The following PHACTR4 variants were observed in gnomAD, a reference collection of about 807,000 sequenced individuals.
PHACTR4 encodes the protein phosphatase and actin regulator 4.
A neutral mutation model predicts 72.7 loss-of-function variants in PHACTR4; 51 were observed. The ratio of observed to expected loss-of-function variants is 0.70; its 90% CI spans 0.56 to 0.89. The LOEUF is 0.89. Ranked by LOEUF, PHACTR4 falls within the 40% of genes least tolerant of loss-of-function variation. PHACTR4 has a pLI of 0.00. For synonymous variants in PHACTR4, 255 were observed against 302.5 expected (o/e 0.84, Z 1.63); for missense variants, 731 against 861.8 (o/e 0.85, Z 1.90).
At chr1:28,380,670 G>T (rs1392813347) in intron 1 of PHACTR4, among the ~76,000 whole-genome samples, 3 of 152,148 alleles carry the variant, frequency 2.0e-5, no homozygotes, top group Non-Finnish European at 4.4e-5. Context: ...CAAAGGACAT[G>T]ATCTTGTTGT....
At chr1:28,458,802 T>C (rs1364011813) in intron 2 of PHACTR4, among the ~76,000 whole-genome samples, 1 of 152,196 alleles carries the variant, frequency 6.6e-6, no homozygotes, top group Non-Finnish European at 1.5e-5. Flanking sequence ...TTTGTATACA[T>C]GCGCCTTTAA....
chr1:28,431,040 G>A (rs1395917922), intron 2 of PHACTR4, among the ~76,000 whole-genome samples: 2 of 151,324 alleles, frequency 1.3e-5, no homozygotes, highest in South Asian at 2.1e-4. Context: ...TTAGCCAGGC[G>A]TGGTGGCAGG....
intron 1 of PHACTR4, among the ~76,000 whole-genome samples, chr1:28,372,551 C>G (rs762210115): frequency 3.3e-5 from 5 of 152,028 alleles, no homozygotes; most frequent in Non-Finnish European, 2.9e-5. Flanking sequence ...CAGAATTGCT[C>G]TAGTTTTAAT....
intron 1 of PHACTR4, among the ~76,000 whole-genome samples, chr1:28,397,309 G>A (rs1653586429): frequency 6.6e-6 from 1 of 152,102 alleles, no homozygotes; most frequent in South Asian, 2.1e-4. Context: ...AATCCCCAAA[G>A]ACAAGAAGGT....
At chr1:28,408,269 C>T (rs150714513) in intron 2 of PHACTR4, among the ~76,000 whole-genome samples, 239 of 151,838 alleles carry the variant, frequency 1.6e-3, no homozygotes, top group African/African-American at 5.4e-3. Context: ...TGGAAGATAA[C>T]ATGAAAGTGA....
intron 6 of PHACTR4, among the ~76,000 whole-genome samples, chr1:28,468,928 G>A (rs1006146790): frequency 4.6e-5 from 7 of 152,156 alleles, no homozygotes; most frequent in African/African-American, 1.7e-4. Context: ...GATAATTTGT[G>A]TATGATACCC....
At chr1:28,414,887 T>G (rs1655010682) in intron 2 of PHACTR4, among the ~76,000 whole-genome samples, 1 of 152,156 alleles carries the variant, frequency 6.6e-6, no homozygotes, top group African/African-American at 2.4e-5. Flanking sequence ...TCACCTCCCT[T>G]TCATCTCATT....
At chr1:28,456,179 G>T (rs970343682) in intron 2 of PHACTR4, among the ~76,000 whole-genome samples, 1 of 152,094 alleles carries the variant, frequency 6.6e-6, no homozygotes, top group Admixed American at 6.6e-5. Context: ...GCTTGCAACT[G>T]CCCTGCTTCT....
At chr1:28,490,435 G>A (rs969246757) in intron 10 of PHACTR4, among the ~76,000 whole-genome samples, 11 of 151,966 alleles carry the variant, frequency 7.2e-5, no homozygotes, top group African/African-American at 2.7e-4. Context: ...GGGAGGCTGA[G>A]GCAGGAGAAT....
chr1:28,421,126 A>G (rs74064733), intron 2 of PHACTR4, among the ~76,000 whole-genome samples: 15,834 of 152,136 alleles, frequency 0.1, 1,905 homozygotes, highest in African/African-American at 0.3. Context: ...TCACTGGCTG[A>G]CTTCTGCATG....
intron 10 of PHACTR4, among the ~76,000 whole-genome samples, chr1:28,490,433 G>A (rs1021628928): frequency 6.6e-5 from 10 of 151,860 alleles, no homozygotes; most frequent in African/African-American, 2.4e-4. Context: ...TCGGGAGGCT[G>A]AGGCAGGAGA....
chr1:28,437,519 C>T (rs924741639), intron 2 of PHACTR4, among the ~76,000 whole-genome samples: 1 of 152,178 alleles, frequency 6.6e-6, no homozygotes, highest in Non-Finnish European at 1.5e-5. Context: ...CATGAGTCAC[C>T]AGGCCCAGCC....
intron 1 of PHACTR4, among the ~76,000 whole-genome samples, chr1:28,383,286 T>A (rs968514057): frequency 6.6e-6 from 1 of 152,180 alleles, no homozygotes; most frequent in East Asian, 1.9e-4. Context: ...TGATGTTGGA[T>A]AGCATGATGC....
rs756273345 is a variant in PHACTR4, at chr1:28,466,567, C to CACA, written c.622_623insACA (p.Pro208delinsHisThr). 3.5e-5 allele frequency: 57 copies of CACA among 1,614,000 alleles called. No individual in the cohort carries two copies. The African/African-American group carries it at 6.9e-4, about 20-fold the overall frequency. Reference sequence around the variant, plus strand: ...CATCTCCACCTCCATCACCACAGCACCCGCTGCCACCACTGCTGCCACAAG... The same window carrying CACA: ...CATCTCCACCTCCATCACCACAGCACACACCGCTGCCACCACTGCTGCCACAAG... On this transcript the variant is annotated protein_altering_variant, in exon 6 of 14. Transcript: ENST00000373839.
intron 2 of PHACTR4, among the ~76,000 whole-genome samples, chr1:28,448,711 G>A (rs1220050906): frequency 1.6e-5 from 2 of 121,806 alleles, no homozygotes; most frequent in African/African-American, 3.4e-5. Context: ...GCAGTGAGCC[G>A]AGATCGTGCC....
At chr1:28,455,285 G>A (rs1658310096) in intron 2 of PHACTR4, among the ~76,000 whole-genome samples, 1 of 127,046 alleles carries the variant, frequency 7.9e-6, no homozygotes, top group Non-Finnish European at 1.6e-5. Flanking sequence ...TGCAACCTCC[G>A]CCTCCCAAGT....
chr1:28,436,854 A>T (rs1271908196), intron 2 of PHACTR4, among the ~76,000 whole-genome samples: 1 of 152,206 alleles, frequency 6.6e-6, no homozygotes, highest in African/African-American at 2.4e-5. Flanking sequence ...TGATCTTTCC[A>T]TGTATTATGC....
intron 9 of PHACTR4, among the ~76,000 whole-genome samples, chr1:28,482,087 G>A (rs1660319060): frequency 6.6e-6 from 1 of 151,658 alleles, no homozygotes; most frequent in Non-Finnish European, 1.5e-5. Flanking sequence ...TAGTAAAGAT[G>A]GGGTTTCACC....
chr1:28,491,766 C>T lies in PHACTR4; in HGVS notation c.1995C>T (p.Thr665=), dbSNP rs1450117127. The T allele has an allele frequency of 6.2e-7, 1 of 1,614,002 alleles. No individual in the cohort carries two copies. The highest frequency in any genetic ancestry group is 8.5e-7 in the Non-Finnish European group (1 of 1,179,986). ...DYDRRADKPW[T]KLTPADKAAI... is the part of the protein sequence containing the mutation. ...ACCGGCGAGCCGACAAACCTTGGACCAAACTGACCCCTGCTGACAAGGTAC... is the reference window on the plus strand; with the variant it reads ...ACCGGCGAGCCGACAAACCTTGGACTAAACTGACCCCTGCTGACAAGGTAC... Residue 665 remains threonine, a synonymous_variant, in exon 12 of 14, where the codon ACC becomes ACT. Transcript: ENST00000373839.
Sources: allele counts gnomAD v4.1 joint callset (sites outside exome capture counted in the v4.1 genomes callset), GRCh38; gene constraint gnomAD v4.1.1; transcripts MANE v1.5; gene names NCBI Gene and HGNC (gene_info 2026-07-23, HGNC 2026-07-21).